Variants in GPR158 observed in about 807,000 individuals in gnomAD.
GPR158 encodes the protein G protein-coupled receptor 158.
A neutral mutation model predicts 78.2 loss-of-function variants in GPR158; 30 were observed. The observed-to-expected ratio is 0.38, with a 90% confidence interval of 0.29 to 0.52. The LOEUF is 0.52. Among genes scored for constraint, GPR158 ranks in the 20% least tolerant of loss-of-function variants. GPR158 has a pLI of 0.83. For synonymous variants in GPR158, 581 were observed against 591.1 expected, an observed-to-expected ratio of 0.98 and a Z score of 0.25; for missense variants, 1,463 against 1,523.5, an observed-to-expected ratio of 0.96 and a Z score of 0.66.
chr10:25,404,400 G>T (rs1285148861), intron 3 of GPR158, among the ~76,000 whole-genome samples: 1 of 152,040 alleles, frequency 6.6e-6, no homozygotes, highest in African/African-American at 2.4e-5. Flanking sequence ...TGAGCACAAA[G>T]AATAAAATGT....
At chr10:25,242,304 A>G (rs1283159383) in intron 2 of GPR158, among the ~76,000 whole-genome samples, 1 of 152,236 alleles carries the variant, frequency 6.6e-6, no homozygotes, top group Non-Finnish European at 1.5e-5. Flanking sequence ...CAAAATCTAG[A>G]TGGTGTAAAA....
At chr10:25,271,096 A>G (rs554431848) in intron 2 of GPR158, among the ~76,000 whole-genome samples, 3 of 152,156 alleles carry the variant, frequency 2.0e-5, no homozygotes, top group Non-Finnish European at 2.9e-5. Flanking sequence ...CAGGACACCT[A>G]TGTGCCCAGG....
At chr10:25,373,562 C>T (rs1855461) in intron 2 of GPR158, among the ~76,000 whole-genome samples, 97,951 of 151,618 alleles carry the variant, frequency 0.65, 32,587 homozygotes, top group Non-Finnish European at 0.73. Context: ...GAATTTAGGG[C>T]GATAAATTTC....
At chr10:25,252,261 GTCC>G (rs1853814393) in intron 2 of GPR158, among the ~76,000 whole-genome samples, 1 of 151,006 alleles carries the variant, frequency 6.6e-6, no homozygotes, top group Non-Finnish European at 1.5e-5. Flanking sequence ...TGGTTTGAAT[GTCC>G]TCCTGTAGCT....
At chr10:25,371,160 C>A (rs1295363457) in intron 2 of GPR158, among the ~76,000 whole-genome samples, 1 of 148,590 alleles carries the variant, frequency 6.7e-6, no homozygotes, top group Admixed American at 6.7e-5. Context: ...AGCACTTAGT[C>A]CATTTACATT....
intron 2 of GPR158, among the ~76,000 whole-genome samples, chr10:25,307,845 ATTGTT>A (rs1217075712): frequency 5.3e-5 from 8 of 152,098 alleles, no homozygotes; most frequent in South Asian, 4.1e-4. Flanking sequence ...AGTTTCTTGC[ATTGTT>A]CTAAATAACC....
chr10:25,466,614 G>C, intron 4 of GPR158, 37 bp from the exon 5 acceptor site: 3 of 1,406,672 alleles, frequency 2.1e-6, no homozygotes. Context: ...GCTTAGAAAT[G>C]TAAGTTAGTA....
intron 5 of GPR158, among the ~76,000 whole-genome samples, chr10:25,513,421 T>C (rs1836112366): frequency 2.0e-5 from 3 of 152,056 alleles, no homozygotes; most frequent in Admixed American, 1.3e-4. Context: ...TCTCTTGTTT[T>C]CTTGGTTAAT....
At position 25,598,426 on chromosome 10, in the gene GPR158, C is replaced by T. The variant is rs147537022; in HGVS notation, c.2800C>T (p.Pro934Ser). The change falls in exon 11 of 11, where the codon CCT (proline) becomes TCT (serine). Residue 934 changes from proline to serine, a missense_variant. By Grantham distance (74) the Pro-to-Ser change is moderately conservative. Coordinates refer to ENST00000376351, the MANE Select transcript of GPR158 (RefSeq NM_020752.3). ...GGAAGAACGCACTAAATCCCAGAAA[C>T]CTTTGCCAAAAGATAAAGAGACAAA... ...GVEERTKSQK[P>S]LPKDKETNRN... 22 of 1,614,036 alleles carry T rather than the reference C, an allele frequency of 1.4e-5. No individual in the cohort carries two copies. The African/African-American group carries it at 2.1e-4, about 16-fold the overall frequency.
At chr10:25,259,424 T>C (rs1353157270) in intron 2 of GPR158, among the ~76,000 whole-genome samples, 1 of 152,190 alleles carries the variant, frequency 6.6e-6, no homozygotes, top group Non-Finnish European at 1.5e-5. Flanking sequence ...AATGTTTCCA[T>C]ATATGTGTTT....
At chr10:25,209,848 T>C (rs985687045) in intron 1 of GPR158, among the ~76,000 whole-genome samples, 3 of 152,182 alleles carry the variant, frequency 2.0e-5, no homozygotes, top group African/African-American at 4.8e-5. Context: ...CATGCCTAAT[T>C]GTGGTAGATT....
chr10:25,602,024 C>A lies in GPR158; in HGVS notation c.*2750C>A, dbSNP rs1837506742. 1 of 152,578 alleles carries A rather than the reference C, an allele frequency of 6.6e-6. No individual in the cohort carries two copies. The highest frequency in any genetic ancestry group is 2.4e-5 in the African/African-American group (1 of 41,450). The allele number at this position is 152,578 out of a possible 1,614,324, so 9.5% of individuals were successfully genotyped here. Reference sequence around the variant, plus strand: ...TATGACAGGTAGGACTGAAAAAACACTGCCTTTTGACTTCTAGCATTTAGC... The same window carrying A: ...TATGACAGGTAGGACTGAAAAAACAATGCCTTTTGACTTCTAGCATTTAGC... On this transcript the variant is annotated 3_prime_UTR_variant, in exon 11 of 11. Transcript: ENST00000376351.
intron 2 of GPR158, among the ~76,000 whole-genome samples, chr10:25,389,523 T>G (rs1300289874): frequency 6.6e-6 from 1 of 152,198 alleles, no homozygotes; most frequent in Non-Finnish European, 1.5e-5. Flanking sequence ...GCTGTTCTAT[T>G]GCTCAATAAA....
In GPR158 at chr10:25,316,903, GTGTGTGTT is replaced by G. The variant is rs201394895; in HGVS notation, c.1009-79006_1009-78999del. On this transcript the variant is annotated intron_variant, in intron 2 of 10. Transcript: ENST00000376351. ...TGTATGTATTTGTGTGTGTGTGTGT[GTGTGTGTT>G]TATGTGTGTGTGTATGTGTGTGTAT... 8.4e-3 allele frequency among the ~76,000 whole-genome samples: 1,136 copies of G among 135,628 alleles called. 13 individuals carry two copies. The highest frequency in any genetic ancestry group is 0.031 in the African/African-American group (1,086 of 35,606). The allele number at this position is 135,628 out of a possible 152,430, so 89.0% of individuals were successfully genotyped here.
intron 5 of GPR158, among the ~76,000 whole-genome samples, chr10:25,524,564 T>C (rs1190529366): frequency 6.6e-6 from 1 of 152,202 alleles, no homozygotes; most frequent in African/African-American, 2.4e-5. Flanking sequence ...TAAATGATGC[T>C]AGAAGAACTG....
chr10:25,348,274 G>A lies in GPR158; in HGVS notation c.1009-47637G>A, dbSNP rs1588814640. Among the ~76,000 whole-genome samples the A allele has an allele frequency of 2.6e-5, 4 of 151,848 alleles. No homozygotes were observed. In the South Asian group the frequency reaches 8.3e-4, roughly 32 times the overall value. ...GTAGGAGGCCTTTAGGGATAGATCT[G>A]TTGCTTTTCTAAATTCTTTTTAATG... On this transcript the variant is annotated intron_variant, in intron 2 of 10. Transcript: ENST00000376351.
chr10:25,257,812 A>G (rs181155085), intron 2 of GPR158, among the ~76,000 whole-genome samples: 1 of 152,302 alleles, frequency 6.6e-6, no homozygotes, highest in African/African-American at 2.4e-5. Context: ...ATATGAATAT[A>G]TCACTTACGC....
chr10:25,451,330 G>C (rs920898953), intron 4 of GPR158, among the ~76,000 whole-genome samples: 5 of 152,118 alleles, frequency 3.3e-5, no homozygotes, highest in Non-Finnish European at 7.4e-5. Context: ...GTGATTGACA[G>C]TATCAGTCTT....
chr10:25,214,512 G>A (rs1853179697), intron 1 of GPR158, among the ~76,000 whole-genome samples: 1 of 151,936 alleles, frequency 6.6e-6, no homozygotes, highest in Non-Finnish European at 1.5e-5. Context: ...CTCAACTACA[G>A]GCTTCATTCA....
Sources: allele counts gnomAD v4.1 joint callset (sites outside exome capture counted in the v4.1 genomes callset), GRCh38; gene constraint gnomAD v4.1.1; transcripts MANE v1.5; gene names NCBI Gene and HGNC (gene_info 2026-07-23, HGNC 2026-07-21).